The following UGT2B28 variants were observed in gnomAD, a reference collection of about 807,000 sequenced individuals.
UGT2B28 encodes the protein UDP-glucuronosyltransferase 2B28.
Under a neutral mutation model 43.6 loss-of-function variants are expected in UGT2B28, and 45 were observed. The ratio of observed to expected loss-of-function variants is 1.03; its 90% CI spans 0.81 to 1.32. UGT2B28 has a LOEUF of 1.32. UGT2B28 is among the 40% of genes most tolerant of loss of function. UGT2B28 has a pLI of 0.00. For synonymous variants in UGT2B28, 204 were observed against 208.1 expected, an observed-to-expected ratio of 0.98 and a Z score of 0.17; for missense variants, 649 against 625.5, an observed-to-expected ratio of 1.04 and a Z score of -0.40.
At chr4:69,286,220 G>T (rs1465471861) in intron 2 of UGT2B28, among the ~76,000 whole-genome samples, 2 of 141,084 alleles carry the variant, frequency 1.4e-5, no homozygotes, top group African/African-American at 5.5e-5. Context: ...CATTGTAGAG[G>T]AACATAAATG....
chr4:69,282,443 AC>A lies in UGT2B28; in HGVS notation c.722-67del, dbSNP rs1394061368. ...CTACATCTTTGCCTACATAATTCTA[AC>A]CCCTTTCAGAAAGTTATGTAAAGTA... On this transcript the variant is annotated intron_variant, in intron 1 of 5. Coordinates refer to ENST00000335568, the MANE Select transcript of UGT2B28 (RefSeq NM_053039.2). 13 of 1,461,212 alleles carry A rather than the reference AC, an allele frequency of 8.9e-6. 3 individuals carry two copies. The highest frequency in any genetic ancestry group is 3.3e-5 in the African/African-American group (2 of 60,760). The allele number at this position is 1,461,212 out of a possible 1,614,324, so 90.5% of individuals were successfully genotyped here.
At chr4:69,285,185 G>T (rs1723734060) in intron 2 of UGT2B28, among the ~76,000 whole-genome samples, 1 of 139,310 alleles carries the variant, frequency 7.2e-6, no homozygotes, top group Non-Finnish European at 1.5e-5. Flanking sequence ...TTCTAAATAA[G>T]TGTCACATGT....
At chr4:69,292,124 A>C (rs1371124493) in intron 5 of UGT2B28, among the ~76,000 whole-genome samples, 1 of 140,686 alleles carries the variant, frequency 7.1e-6, no homozygotes, top group African/African-American at 2.8e-5. Flanking sequence ...CAGATATATA[A>C]TTTTTAAATA....
rs149950581 is a variant in UGT2B28, at chr4:69,280,985, C to T, written c.485C>T (p.Ala162Val). 9.6e-6 allele frequency: 15 copies of T among 1,559,702 alleles called. 1 individual carries two copies. The highest frequency in any genetic ancestry group is 1.5e-5 in the African/African-American group (1 of 65,946). The change falls in exon 1 of 6, where the codon GCG becomes GTG. Residue 162 changes from alanine to valine, a missense_variant. Ala to Val is a moderately conservative substitution (Grantham distance 64, BLOSUM62 0). Transcript: ENST00000335568. ...TTTCCTTGTGGTGAGCTGCTGGCTG[C>T]GCTACTTAACATACCGTTTGTGTAC... is the stretch of plus-strand genomic sequence containing the variant. Reference protein sequence around the residue: ...AFFPCGELLAALLNIPFVYSL... With the variant: ...AFFPCGELLAVLLNIPFVYSL...
At chr4:69,293,368 A>C (rs1181913819) in intron 5 of UGT2B28, among the ~76,000 whole-genome samples, 1 of 140,386 alleles carries the variant, frequency 7.1e-6, no homozygotes, top group Non-Finnish European at 1.5e-5. Context: ...GTTCAAGATG[A>C]TCTTCCATTT....
At chr4:69,286,970 G>A (rs1476027235) in intron 3 of UGT2B28, 87 bp downstream of exon 3, 2 of 1,504,844 alleles carry the variant, frequency 1.3e-6, no homozygotes, top group Non-Finnish European at 1.8e-6. Flanking sequence ...ATTAAGGCTA[G>A]ACTGAACTCT....
chr4:69,285,881 T>G (rs1723760196), intron 2 of UGT2B28, among the ~76,000 whole-genome samples: 1 of 141,048 alleles, frequency 7.1e-6, no homozygotes, highest in Admixed American at 7.1e-5. Context: ...TCTATTCTGG[T>G]GCCAGTGCTG....
At chr4:69,293,970 A>G (rs1328686472) in intron 5 of UGT2B28, among the ~76,000 whole-genome samples, 1 of 140,574 alleles carries the variant, frequency 7.1e-6, no homozygotes, top group African/African-American at 2.8e-5. Context: ...ACTCGCCATG[A>G]TAAAATTCCT....
chr4:69,280,920 A>G lies in UGT2B28; in HGVS notation c.420A>G (p.Leu140=), dbSNP rs368558436. 1.3e-6 allele frequency: 2 copies of G among 1,560,058 alleles called. No individual in the cohort carries two copies. The highest frequency in any genetic ancestry group is 8.7e-7 in the Non-Finnish European group (1 of 1,155,712). Reference sequence around the variant, plus strand: ...CAAATAAGAAAGTTATGAAAAAACTACAAGAGTCAAGATTTGACATCATTT... The same window carrying G: ...CAAATAAGAAAGTTATGAAAAAACTGCAAGAGTCAAGATTTGACATCATTT... ...VVSNKKVMKK[L]QESRFDIIFA... The change falls in exon 1 of 6, where the codon CTA becomes CTG. Residue 140 remains leucine, a synonymous_variant. Coordinates refer to ENST00000335568, the MANE Select transcript of UGT2B28 (RefSeq NM_053039.2).
chr4:69,286,673 C>G, intron 2 of UGT2B28, 79 bp from the exon 3 acceptor site: 1 of 1,466,608 alleles, frequency 6.8e-7, no homozygotes, highest in Non-Finnish European at 9.1e-7. Flanking sequence ...GATTTTCTCT[C>G]TTTAATATTT....
intron 2 of UGT2B28, among the ~76,000 whole-genome samples, chr4:69,286,550 T>C (rs1723780425): frequency 7.1e-6 from 1 of 140,264 alleles, no homozygotes; most frequent in Non-Finnish European, 1.5e-5. Flanking sequence ...CACACATATT[T>C]ACACAAATAT....
At chr4:69,288,553 CT>C (rs1164364004) in intron 3 of UGT2B28, among the ~76,000 whole-genome samples, 2 of 139,256 alleles carry the variant, frequency 1.4e-5, no homozygotes, top group African/African-American at 2.8e-5. Flanking sequence ...ATTTTTTATA[CT>C]TTTTTTATAA....
Position 69,292,061 on chromosome 4 carries a change from C to T in UGT2B28, c.1310+1250C>T, listed in dbSNP as rs551754261. On this transcript the variant is annotated intron_variant, in intron 5 of 5. Coordinates refer to ENST00000335568, the MANE Select transcript of UGT2B28 (RefSeq NM_053039.2). Reference sequence around the variant, plus strand: ...AACGCTTGGAACATTTTTAACTTTTCTATTTGTCTTATTATTAAGTTTTAA... The same window carrying T: ...AACGCTTGGAACATTTTTAACTTTTTTATTTGTCTTATTATTAAGTTTTAA... 7.8e-5 allele frequency among the ~76,000 whole-genome samples: 11 copies of T among 140,422 alleles called. 4 individuals carry two copies. The highest frequency in any genetic ancestry group is 7.1e-4 in the South Asian group (3 of 4,202). The allele number at this position is 140,422 out of a possible 152,430, so 92.1% of individuals were successfully genotyped here. A position where few individuals can be genotyped will look rare whatever the true frequency, so the allele number is the denominator to read the frequency against.
chr4:69,286,645 T>A, intron 2 of UGT2B28, 107 bp from the exon 3 acceptor site: 1 of 1,396,466 alleles, frequency 7.2e-7, no homozygotes, highest in South Asian at 1.5e-5. Flanking sequence ...TTTACTCCAA[T>A]AATTCCTCAA....
chr4:69,293,362 A>G (rs1724006542), intron 5 of UGT2B28, among the ~76,000 whole-genome samples: 1 of 140,766 alleles, frequency 7.1e-6, no homozygotes, highest in Non-Finnish European at 1.5e-5. Flanking sequence ...GATAATGTTC[A>G]AGATGATCTT....
rs1404061684 is a variant in UGT2B28, at chr4:69,294,844, G to A, written c.*35G>A. On this transcript the variant is annotated 3_prime_UTR_variant, in exon 6 of 6. Transcript: ENST00000335568. ...ACATTTGAAGCTGGAAAACCAGATA[G>A]ATGGGTTGACATCAGTTTATTCCAG... 6.6e-7 allele frequency: 1 copy of A among 1,519,956 alleles called. No homozygotes were observed. Among genetic ancestry groups the A allele is most frequent in the Admixed American group, 1.9e-5 (1 of 51,770 alleles). 94.2% of individuals were successfully genotyped at this position (1,519,956 alleles called of 1,614,324 possible). A position where few individuals can be genotyped will look rare whatever the true frequency, so the allele number is the denominator to read the frequency against.
In UGT2B28 at chr4:69,287,935, G is replaced by C. The variant is rs1723825916; in HGVS notation, c.1002+1052G>C. Among the ~76,000 whole-genome samples the C allele has an allele frequency of 1.4e-5, 2 of 140,150 alleles. 1 individual carries two copies. Among genetic ancestry groups the C allele is most frequent in the South Asian group, 4.8e-4 (2 of 4,194 alleles). The allele number at this position is 140,150 out of a possible 152,430, so 91.9% of individuals were successfully genotyped here. A position where few individuals can be genotyped will look rare whatever the true frequency, so the allele number is the denominator to read the frequency against. The stretch of plus-strand genomic sequence containing the variant: ...TAAAAGTTAAACACTGTAAATTATT[G>C]TTCACTTTATGAGGATTGCTTTGGA... On this transcript the variant is annotated intron_variant, in intron 3 of 5. Coordinates refer to ENST00000335568, the MANE Select transcript of UGT2B28 (RefSeq NM_053039.2).
At chr4:69,283,577 A>G (rs1197133042) in intron 2 of UGT2B28, among the ~76,000 whole-genome samples, 1 of 140,560 alleles carries the variant, frequency 7.1e-6, no homozygotes, top group East Asian at 2.0e-4. Context: ...TACATTTGCT[A>G]AAATAGTGCC....
At chr4:69,283,687 C>T (rs1425298290) in intron 2 of UGT2B28, among the ~76,000 whole-genome samples, 2 of 140,676 alleles carry the variant, frequency 1.4e-5, no homozygotes, top group African/African-American at 2.8e-5. Context: ...ATTAATTTTG[C>T]AATTATGGTT....
Sources: allele counts gnomAD v4.1 joint callset (sites outside exome capture counted in the v4.1 genomes callset), GRCh38; gene constraint gnomAD v4.1.1; transcripts MANE v1.5; gene names NCBI Gene and HGNC (gene_info 2026-07-23, HGNC 2026-07-21).